The following KCNK10 variants were observed in gnomAD, a reference collection of about 807,000 sequenced individuals.
KCNK10 encodes the protein potassium two pore domain channel subfamily K member 10, also known as potassium channel subfamily K member 10.
Under a neutral mutation model 47.7 loss-of-function variants are expected in KCNK10, and 25 were observed. That is an observed-to-expected ratio of 0.52 (90% CI 0.38 to 0.73). KCNK10 has a LOEUF of 0.73. KCNK10 is among the 30% of genes least tolerant of loss of function. KCNK10 has a pLI of 0.00. For missense variants in KCNK10, 563 were observed against 714.5 expected, an observed-to-expected ratio of 0.79 and a Z score of 2.42; for synonymous variants, 303 against 285.6, an observed-to-expected ratio of 1.06 and a Z score of -0.61.
intron 4 of KCNK10, among the ~76,000 whole-genome samples, chr14:88,221,541 G>C (rs893952353): frequency 6.6e-6 from 1 of 152,048 alleles, no homozygotes. Flanking sequence ...TCAGAACACC[G>C]ACAACAGCAA....
chr14:88,212,988 T>C (rs1347813004), intron 4 of KCNK10, among the ~76,000 whole-genome samples: 1 of 152,036 alleles, frequency 6.6e-6, no homozygotes, highest in Non-Finnish European at 1.5e-5. Context: ...CTCTTTGGGG[T>C]GTGATGGTTC....
intron 4 of KCNK10, 29 bp downstream of exon 4, chr14:88,227,346 T>G: frequency 1.3e-6 from 2 of 1,565,780 alleles, no homozygotes; most frequent in Non-Finnish European, 1.7e-6. Flanking sequence ...ATCACAGTGG[T>G]TAGAATTTAA....
intron 2 of KCNK10, among the ~76,000 whole-genome samples, chr14:88,250,883 A>G (rs1465535618): frequency 6.6e-6 from 1 of 152,116 alleles, no homozygotes; most frequent in East Asian, 1.9e-4. Context: ...AAACAGAAAC[A>G]AAAGAATTTT....
chr14:88,323,756 G>A (rs1262722812), upstream of KCNK10: 1 of 152,212 alleles, frequency 6.6e-6, no homozygotes, highest in East Asian at 2.0e-4. Context: ...GGCGGAGGAA[G>A]GGCCGCTGCG....
chr14:88,271,016 C>T, intron 1 of KCNK10: 1 of 590,606 alleles, frequency 1.7e-6, no homozygotes, highest in South Asian at 2.0e-5. Context: ...CCAGCAGCAC[C>T]CAGACCCGCT....
intron 1 of KCNK10, among the ~76,000 whole-genome samples, chr14:88,285,100 T>C (rs1312367634): frequency 2.0e-5 from 3 of 152,166 alleles, no homozygotes. Flanking sequence ...TGTCTTGTTT[T>C]AAATAGTGTT....
chr14:88,254,264 C>T (rs753689787), intron 2 of KCNK10, among the ~76,000 whole-genome samples: 1 of 152,142 alleles, frequency 6.6e-6, no homozygotes, highest in Non-Finnish European at 1.5e-5. Context: ...CCAACCTGCC[C>T]CCAGAAACAT....
intron 4 of KCNK10, among the ~76,000 whole-genome samples, chr14:88,218,533 A>G (rs1054973796): frequency 1.3e-5 from 2 of 151,816 alleles, no homozygotes; most frequent in African/African-American, 4.8e-5. Context: ...CATTTCTGCC[A>G]TATCCTTGGG....
At chr14:88,278,675 T>G (rs1180323878) in intron 1 of KCNK10, among the ~76,000 whole-genome samples, 1 of 152,200 alleles carries the variant, frequency 6.6e-6, no homozygotes, top group East Asian at 1.9e-4. Context: ...AACAGAATCT[T>G]CAGCCAAGGA....
intron 1 of KCNK10, among the ~76,000 whole-genome samples, chr14:88,267,334 G>A (rs1043084923): frequency 2.0e-5 from 3 of 152,152 alleles, no homozygotes; most frequent in Non-Finnish European, 4.4e-5. Flanking sequence ...AAAGGATCTG[G>A]ATTGTGCTTA....
intron 4 of KCNK10, among the ~76,000 whole-genome samples, chr14:88,216,459 G>A (rs1190552392): frequency 6.6e-6 from 1 of 152,208 alleles, no homozygotes; most frequent in Non-Finnish European, 1.5e-5. Context: ...GGCATCAAGC[G>A]AGTAGAGGCC....
At chr14:88,272,671 T>G (rs1266546010) in intron 1 of KCNK10, among the ~76,000 whole-genome samples, 2 of 152,106 alleles carry the variant, frequency 1.3e-5, no homozygotes, top group African/African-American at 4.8e-5. Flanking sequence ...CCATCAAGGC[T>G]AACACAGGGA....
chr14:88,185,336 A>G lies in KCNK10; in HGVS notation c.*199T>C, dbSNP rs1034815110. 50 of 744,496 alleles carry G rather than the reference A, an allele frequency of 6.7e-5. No homozygotes were observed. The highest frequency in any genetic ancestry group is 9.2e-5 in the Non-Finnish European group (44 of 478,478). 46.1% of individuals were successfully genotyped at this position (744,496 alleles called of 1,614,324 possible). On this transcript the variant is annotated 3_prime_UTR_variant, in exon 7 of 7. Transcript: ENST00000319231. The surrounding 1 kb of genome is among the most constrained non-coding windows in gnomAD (Gnocchi z 4.3). ...ACTCTTGGTGTGTCCTGCGTTTGCT[A>G]TCTGAAATGAAGTTCTTGTTCTCTG...
At chr14:88,319,943 C>A (rs1008405685) in intron 1 of KCNK10, among the ~76,000 whole-genome samples, 2 of 152,216 alleles carry the variant, frequency 1.3e-5, no homozygotes. Context: ...ATTAAATTAA[C>A]ACATGTAAAA....
intron 2 of KCNK10, among the ~76,000 whole-genome samples, chr14:88,246,296 A>G (rs945769878): frequency 2.7e-5 from 4 of 149,790 alleles, no homozygotes; most frequent in Admixed American, 2.7e-4. Flanking sequence ...AAGGGAGCCT[A>G]TTCCAGCCAT....
In KCNK10 at chr14:88,184,487, C is replaced by T. The variant is rs1566675635; in HGVS notation, c.*1048G>A. The T allele has an allele frequency of 6.6e-6, 1 of 152,324 alleles. No homozygotes were observed. The highest frequency in any genetic ancestry group is 2.1e-4 in the South Asian group (1 of 4,832). 9.4% of individuals were successfully genotyped at this position (152,324 alleles called of 1,614,324 possible). ...GCGAGATTGGATCTTATCACTATGTCTACCCTAAGACACCCAAGGGACAAA... is the reference window on the plus strand; with the variant it reads ...GCGAGATTGGATCTTATCACTATGTTTACCCTAAGACACCCAAGGGACAAA... On this transcript the variant is annotated 3_prime_UTR_variant, in exon 7 of 7. Transcript: ENST00000319231.
intron 2 of KCNK10, among the ~76,000 whole-genome samples, chr14:88,254,484 T>C (rs1356293545): frequency 2.0e-5 from 3 of 152,136 alleles, no homozygotes; most frequent in Non-Finnish European, 4.4e-5. Context: ...TCTTCAAACA[T>C]CTGGGAAACA....
At chr14:88,241,135 C>A (rs926150434) in intron 2 of KCNK10, among the ~76,000 whole-genome samples, 1 of 152,160 alleles carries the variant, frequency 6.6e-6, no homozygotes, top group African/African-American at 2.4e-5. Flanking sequence ...TATACACACA[C>A]AAAAAATGTC....
At chr14:88,197,029 C>T (rs1049166935) in intron 4 of KCNK10, among the ~76,000 whole-genome samples, 1 of 152,134 alleles carries the variant, frequency 6.6e-6, no homozygotes, top group African/African-American at 2.4e-5. Flanking sequence ...TGAAGTGGAA[C>T]CTTCAAGAAG....
Sources: gnomAD v4.1 joint callset for allele counts (sites outside exome capture counted in the v4.1 genomes callset) on GRCh38, gnomAD v4.1.1 for gene constraint, Gnocchi (gnomAD v3.1) non-coding constraint, MANE v1.5 for transcripts, NCBI Gene and HGNC (gene_info 2026-07-23, HGNC 2026-07-21) for gene names.